Variants in PIBF1 observed in about 807,000 individuals in gnomAD.
PIBF1 encodes the protein progesterone-induced-blocking factor 1.
In PIBF1, 90 loss-of-function variants were observed where a neutral mutation model predicts 112.5. That is an observed-to-expected ratio of 0.80 (90% confidence interval 0.67 to 0.95). The LOEUF is 0.95. PIBF1 is among the 40% of genes least tolerant of loss of function. The pLI, the probability that PIBF1 is intolerant of heterozygous loss-of-function variation, is 0.00. For synonymous variants in PIBF1, 301 were observed against 288.6 expected, an observed-to-expected ratio of 1.04 and a Z score of -0.44; for missense variants, 915 against 852.3, an observed-to-expected ratio of 1.07 and a Z score of -0.92.
At chr13:72,852,630 A>G (rs1594053257) in intron 9 of PIBF1, among the ~76,000 whole-genome samples, 1 of 152,270 alleles carries the variant, frequency 6.6e-6, no homozygotes, top group East Asian at 1.9e-4. Flanking sequence ...TGACAAAGTG[A>G]CGCCCCAAGG....
At chr13:72,816,147 G>T (rs897789108) in intron 5 of PIBF1, among the ~76,000 whole-genome samples, 1 of 152,140 alleles carries the variant, frequency 6.6e-6, no homozygotes, top group African/African-American at 2.4e-5. Flanking sequence ...CTTAATACTA[G>T]TAATAGAGTG....
chr13:73,015,831 AG>A, intron 17 of PIBF1, 37 bp from the exon 18 acceptor site: 1 of 1,315,848 alleles, frequency 7.6e-7, no homozygotes. Flanking sequence ...CCTCCTTGTA[AG>A]CATTTTATTG....
intron 5 of PIBF1, among the ~76,000 whole-genome samples, chr13:72,813,188 A>G (rs2036102766): frequency 6.6e-6 from 1 of 152,256 alleles, no homozygotes; most frequent in Admixed American, 6.5e-5. Context: ...GTTAAATTAT[A>G]TAGTCAACAT....
intron 14 of PIBF1, among the ~76,000 whole-genome samples, chr13:72,943,589 T>A (rs2042068569): frequency 6.6e-6 from 1 of 152,214 alleles, no homozygotes; most frequent in Non-Finnish European, 1.5e-5. Context: ...GTCCAGATTC[T>A]TTAGCGTGGC....
intron 5 of PIBF1, among the ~76,000 whole-genome samples, chr13:72,807,514 G>A (rs1367380804): frequency 6.6e-6 from 1 of 152,172 alleles, no homozygotes; most frequent in East Asian, 1.9e-4. Flanking sequence ...GGTGGAGGTT[G>A]TAGTGAGCCA....
chr13:72,879,082 A>C (rs1220994163), intron 10 of PIBF1, among the ~76,000 whole-genome samples: 2 of 152,174 alleles, frequency 1.3e-5, no homozygotes, highest in Non-Finnish European at 1.5e-5. Context: ...GCATTTACAT[A>C]CAATGTGATT....
intron 6 of PIBF1, among the ~76,000 whole-genome samples, chr13:72,825,181 G>A (rs1180470922): frequency 1.3e-5 from 2 of 150,882 alleles, no homozygotes; most frequent in Admixed American, 6.6e-5. Context: ...TTGGCTCAGG[G>A]AAAAAAAAAT....
At chr13:72,791,763 G>T (rs1327568582) in intron 2 of PIBF1, among the ~76,000 whole-genome samples, 1 of 151,926 alleles carries the variant, frequency 6.6e-6, no homozygotes, top group South Asian at 2.1e-4. Flanking sequence ...CTCCTGAGTA[G>T]CTGTGACTAC....
intron 9 of PIBF1, among the ~76,000 whole-genome samples, chr13:72,847,206 G>T (rs1334243154): frequency 6.6e-6 from 1 of 152,120 alleles, no homozygotes; most frequent in Non-Finnish European, 1.5e-5. Context: ...CATAATTTGG[G>T]TTCAATGTTT....
intron 10 of PIBF1, among the ~76,000 whole-genome samples, chr13:72,881,929 G>GA (rs1227454438): frequency 3.3e-5 from 5 of 150,930 alleles, no homozygotes; most frequent in South Asian, 4.2e-4. Context: ...CACAAGAGTA[G>GA]AAAAAAAAAT....
chr13:72,820,175 C>T (rs1222329070), intron 5 of PIBF1, among the ~76,000 whole-genome samples: 2 of 152,062 alleles, frequency 1.3e-5, no homozygotes, highest in African/African-American at 4.8e-5. Flanking sequence ...CACAAGAACT[C>T]TGAGGTAGGA....
chr13:72,894,529 G>T (rs768498526), intron 11 of PIBF1, among the ~76,000 whole-genome samples: 4 of 151,812 alleles, frequency 2.6e-5, no homozygotes, highest in Non-Finnish European at 4.4e-5. Flanking sequence ...TTCACAAATG[G>T]TATAAAATGT....
chr13:72,851,446 C>T (rs2038150049), intron 9 of PIBF1, among the ~76,000 whole-genome samples: 1 of 152,262 alleles, frequency 6.6e-6, no homozygotes, highest in African/African-American at 2.4e-5. Flanking sequence ...CCCCTGCCAC[C>T]TCGGCCTCCT....
chr13:72,854,704 C>T (rs1271395288), intron 10 of PIBF1, among the ~76,000 whole-genome samples: 1 of 151,952 alleles, frequency 6.6e-6, no homozygotes, highest in Non-Finnish European at 1.5e-5. Context: ...TTTTATTTAT[C>T]TTGGCTAAAT....
intron 10 of PIBF1, among the ~76,000 whole-genome samples, chr13:72,860,201 TG>T (rs2038628137): frequency 6.6e-6 from 1 of 152,068 alleles, no homozygotes; most frequent in South Asian, 2.1e-4. Flanking sequence ...GTAAAAGAGT[TG>T]ACGCACTCAT....
At chr13:72,977,100 G>A (rs1223220545) in intron 16 of PIBF1, among the ~76,000 whole-genome samples, 1 of 152,124 alleles carries the variant, frequency 6.6e-6, no homozygotes, top group East Asian at 1.9e-4. Flanking sequence ...GTAAATGAGT[G>A]ATTCAAAAAG....
chr13:73,008,437 A>G (rs577491421), intron 17 of PIBF1, among the ~76,000 whole-genome samples: 1 of 152,282 alleles, frequency 6.6e-6, no homozygotes, highest in African/African-American at 2.4e-5. Flanking sequence ...GCTTGAATAG[A>G]CTCACATGAA....
rs545380616 is a variant in PIBF1, at chr13:72,792,688, A to C, written c.353+141A>C. 1.3e-5 allele frequency: 7 copies of C among 552,414 alleles called. No individual in the cohort carries two copies. In the South Asian group the frequency reaches 1.9e-4, roughly 15 times the overall value. The allele number at this position is 552,414 out of a possible 1,614,324, so 34.2% of individuals were successfully genotyped here. A position where few individuals can be genotyped will look rare whatever the true frequency, so the allele number is the denominator to read the frequency against. ...TAGCAATAATTTTTACACCTAGACC[A>C]CAAAAAAAGTAGGATACTTGATATG... On this transcript the variant is annotated intron_variant, in intron 3 of 17. Coordinates refer to ENST00000326291, the MANE Select transcript of PIBF1 (RefSeq NM_006346.4).
chr13:72,970,850 G>T (rs753343670), intron 15 of PIBF1: 1 of 152,054 alleles, frequency 6.6e-6, no homozygotes, highest in Non-Finnish European at 1.5e-5. Flanking sequence ...CCTGTGGTTC[G>T]AGTATATTAT....
Sources: allele counts gnomAD v4.1 joint callset (sites outside exome capture counted in the v4.1 genomes callset), GRCh38; gene constraint gnomAD v4.1.1; transcripts MANE v1.5; gene names NCBI Gene and HGNC (gene_info 2026-07-23, HGNC 2026-07-21).